Variants in CAMKMT observed in about 807,000 individuals in gnomAD.
The protein encoded by CAMKMT is CaM KMT.
Under a neutral mutation model 48.0 loss-of-function variants are expected in CAMKMT, and 53 were observed. That is an observed-to-expected ratio of 1.10 (90% CI 0.89 to 1.39). CAMKMT has a LOEUF of 1.39. CAMKMT is among the 40% of genes most tolerant of loss of function. CAMKMT has a pLI of 0.00. For missense variants in CAMKMT, 428 were observed against 402.7 expected (o/e 1.06, Z -0.54); for synonymous variants, 165 against 152.3 (o/e 1.08, Z -0.61).
chr2:44,448,912 A>G (rs1477839172), intron 3 of CAMKMT, among the ~76,000 whole-genome samples: 1 of 152,240 alleles, frequency 6.6e-6, no homozygotes, highest in Non-Finnish European at 1.5e-5. Flanking sequence ...TTAAGATAGC[A>G]TTTATATGAA....
At chr2:44,715,204 A>AG in intron 6 of CAMKMT, 83 bp from the exon 7 acceptor site, 2 of 894,200 alleles carry the variant, frequency 2.2e-6, no homozygotes, top group Non-Finnish European at 3.4e-6. Flanking sequence ...AAAAAAAAAA[A>AG]AAAAAAAAGA....
At chr2:44,516,071 A>G (rs138370990) in intron 3 of CAMKMT, among the ~76,000 whole-genome samples, 1 of 152,188 alleles carries the variant, frequency 6.6e-6, no homozygotes, top group African/African-American at 2.4e-5. Flanking sequence ...AAACAAAATT[A>G]TTTCATTGCT....
In CAMKMT at chr2:44,414,589, C is replaced by G. The variant is rs2104489030; in HGVS notation, c.376+24284C>G. On this transcript the variant is annotated intron_variant, in intron 3 of 10. Coordinates refer to ENST00000378494, the MANE Select transcript of CAMKMT (RefSeq NM_024766.5). ...GGACACCCAAGATGAGAGTCATAGT[C>G]TTTTATAACCTAATTTCAGAAGTGA... Among the ~76,000 whole-genome samples, 4 of 152,258 alleles carry G rather than the reference C, an allele frequency of 2.6e-5. No individual in the cohort carries two copies. The South Asian group carries it at 8.3e-4, about 32-fold the overall frequency.
intron 3 of CAMKMT, among the ~76,000 whole-genome samples, chr2:44,410,409 C>T (rs1683123697): frequency 6.7e-6 from 1 of 149,818 alleles, no homozygotes; most frequent in African/African-American, 2.5e-5. Context: ...AGGTGCCCGC[C>T]ACCTCGCCCA....
At chr2:44,443,757 A>G (rs866321885) in intron 3 of CAMKMT, among the ~76,000 whole-genome samples, 13 of 152,324 alleles carry the variant, frequency 8.5e-5, no homozygotes, top group Middle Eastern at 3.4e-3. Flanking sequence ...TCTTGCTGCA[A>G]TGATACTGAA....
intron 2 of CAMKMT, among the ~76,000 whole-genome samples, chr2:44,388,219 C>G (rs1481880536): frequency 1.3e-5 from 2 of 152,040 alleles, no homozygotes; most frequent in Non-Finnish European, 2.9e-5. Flanking sequence ...TTCTTTTTCT[C>G]TTTGTTGGAT....
At chr2:44,723,462 G>A (rs552883680) in intron 7 of CAMKMT, among the ~76,000 whole-genome samples, 2 of 151,986 alleles carry the variant, frequency 1.3e-5, no homozygotes, top group South Asian at 4.2e-4. Flanking sequence ...GTGTCGGCGG[G>A]CACCTGTAAT....
intron 3 of CAMKMT, among the ~76,000 whole-genome samples, chr2:44,428,375 CTCT>C (rs894148254): frequency 1.3e-5 from 2 of 152,236 alleles, no homozygotes; most frequent in African/African-American, 4.8e-5. Context: ...GACACATCTT[CTCT>C]TCTTTCCTTC....
chr2:44,402,740 G>GTTTTT lies in CAMKMT; in HGVS notation c.376+12450_376+12454dup. ...TTATCTTTTCATCTTTTGTTTTGCT[G>GTTTTT]TTTTTTTTTTTTTTTTTTTACTTTT... On this transcript the variant is annotated intron_variant, in intron 3 of 10. Transcript: ENST00000378494. Among the ~76,000 whole-genome samples, 47 of 94,082 alleles carry GTTTTT rather than the reference G, an allele frequency of 5.0e-4. 1 individual carries two copies. The highest frequency in any genetic ancestry group is 1.8e-3 in the African/African-American group (43 of 24,198). 61.7% of individuals were successfully genotyped at this position (94,082 alleles called of 152,430 possible).
chr2:44,594,466 A>G (rs976564384), intron 3 of CAMKMT, among the ~76,000 whole-genome samples: 5 of 152,210 alleles, frequency 3.3e-5, no homozygotes, highest in African/African-American at 4.8e-5. Flanking sequence ...AAACAGATAT[A>G]TAGACCAATG....
At chr2:44,523,847 G>A (rs978332873) in intron 3 of CAMKMT, among the ~76,000 whole-genome samples, 2 of 141,802 alleles carry the variant, frequency 1.4e-5, no homozygotes, top group African/African-American at 2.7e-5. Flanking sequence ...GCGTGATCTC[G>A]GCTCACTGCA....
chr2:44,678,701 A>G (rs1402050860), intron 3 of CAMKMT, among the ~76,000 whole-genome samples: 1 of 152,176 alleles, frequency 6.6e-6, no homozygotes, highest in Non-Finnish European at 1.5e-5. Flanking sequence ...TTATCTCATG[A>G]GTAAGACTGT....
intron 3 of CAMKMT, among the ~76,000 whole-genome samples, chr2:44,554,845 G>A (rs767428581): frequency 5.3e-5 from 8 of 152,054 alleles, no homozygotes; most frequent in Non-Finnish European, 1.2e-4. Context: ...CCTGCACTCC[G>A]GCCCGAGTGA....
At chr2:44,372,045 A>C (rs1172078016) in intron 1 of CAMKMT, among the ~76,000 whole-genome samples, 1 of 152,170 alleles carries the variant, frequency 6.6e-6, no homozygotes, top group Non-Finnish European at 1.5e-5. Context: ...TAAGCTTTGA[A>C]ATTCAACTTT....
intron 8 of CAMKMT, among the ~76,000 whole-genome samples, chr2:44,750,015 G>A (rs1327024160): frequency 2.6e-5 from 4 of 152,216 alleles, no homozygotes; most frequent in Non-Finnish European, 4.4e-5. Flanking sequence ...TCTAGCTTAA[G>A]GTAAGGGACT....
chr2:44,404,305 C>T (rs929879121), intron 3 of CAMKMT, among the ~76,000 whole-genome samples: 1 of 152,086 alleles, frequency 6.6e-6, no homozygotes, highest in African/African-American at 2.4e-5. Flanking sequence ...TTTTCCCCTC[C>T]AGGAACATGT....
At chr2:44,525,909 C>A (rs537625821) in intron 3 of CAMKMT, among the ~76,000 whole-genome samples, 1 of 151,734 alleles carries the variant, frequency 6.6e-6, no homozygotes, top group African/African-American at 2.4e-5. Flanking sequence ...GCACAATGTG[C>A]AGGTTAGTTA....
intron 3 of CAMKMT, among the ~76,000 whole-genome samples, chr2:44,558,985 A>G (rs1668177945): frequency 6.6e-6 from 1 of 151,348 alleles, no homozygotes; most frequent in Admixed American, 6.6e-5. Context: ...GTATGTATGG[A>G]TAGATAGATA....
At chr2:44,528,095 G>T (rs564091615) in intron 3 of CAMKMT, among the ~76,000 whole-genome samples, 1 of 152,236 alleles carries the variant, frequency 6.6e-6, no homozygotes, top group African/African-American at 2.4e-5. Flanking sequence ...CAGCAAACCA[G>T]TTGGGAAGGA....
Sources: allele counts gnomAD v4.1 joint callset (sites outside exome capture counted in the v4.1 genomes callset), GRCh38; gene constraint gnomAD v4.1.1; transcripts MANE v1.5; gene names NCBI Gene and HGNC (gene_info 2026-07-23, HGNC 2026-07-21).